OR51B5: variants seen among roughly 807,000 people sequenced by gnomAD.
The protein encoded by OR51B5 is olfactory receptor 51B5.
For missense variants in OR51B5, 456 were observed against 374.6 expected (o/e 1.22, Z -1.79); for synonymous variants, 186 against 144.8 (o/e 1.28, Z -2.04).
chr11:5,484,080 C>G (rs1851466402), intron 1 of OR51B5, among the ~76,000 whole-genome samples: 1 of 152,150 alleles, frequency 6.6e-6, no homozygotes, highest in African/African-American at 2.4e-5. Context: ...CACCTTTACA[C>G]CGAGGTCCAA....
At chr11:5,492,705 C>G (rs1019359075) in intron 1 of OR51B5, among the ~76,000 whole-genome samples, 5 of 152,174 alleles carry the variant, frequency 3.3e-5, no homozygotes, top group Non-Finnish European at 7.4e-5. Context: ...GGCACAATCT[C>G]GACTTACTGC....
intron 1 of OR51B5, chr11:5,455,320 G>A (rs931427107): frequency 6.8e-6 from 1 of 146,622 alleles, no homozygotes; most frequent in East Asian, 2.0e-4. Flanking sequence ...GTTAAGAGAT[G>A]TTAGAAATTA....
At position 5,374,385 on chromosome 11, in the gene OR51B5, AAC is replaced by A. The variant is rs1400190952; in HGVS notation, n.85-27477_85-27476del. On this transcript the variant is annotated intron_variant and non_coding_transcript_variant, in intron 1 of 4. Transcript: ENST00000415970. ...GATACAACCACAAAGTTGGGGAAAAAACAGAGCAGAAAAACTGGAAACTCTAA... is the reference window on the plus strand; with the variant it reads ...GATACAACCACAAAGTTGGGGAAAAAAGAGCAGAAAAACTGGAAACTCTAA... Among the ~76,000 whole-genome samples the A allele has an allele frequency of 5.9e-5, 9 of 152,146 alleles. 1 individual carries two copies. The highest frequency in any genetic ancestry group is 2.2e-4 in the African/African-American group (9 of 41,420).
chr11:5,405,541 T>C (rs374624882), intron 1 of OR51B5, among the ~76,000 whole-genome samples: 69 of 151,612 alleles, frequency 4.6e-4, no homozygotes, highest in African/African-American at 1.3e-3. Context: ...TTTTTTTTTT[T>C]CTACATTCTC....
chr11:5,440,547 G>T (rs768139765), intron 1 of OR51B5: 1 of 1,564,786 alleles, frequency 6.4e-7, no homozygotes, highest in South Asian at 1.1e-5. Flanking sequence ...CTCCAAAGGA[G>T]CTTTTGGGGC....
At chr11:5,485,277 A>C (rs762207384) in intron 1 of OR51B5, among the ~76,000 whole-genome samples, 12 of 152,246 alleles carry the variant, frequency 7.9e-5, no homozygotes, top group Non-Finnish European at 8.8e-5. Flanking sequence ...ACGTTTTCTA[A>C]GTGCATCAAA....
At chr11:5,355,921 C>T (rs537550340) in intron 1 of OR51B5, among the ~76,000 whole-genome samples, 2 of 152,286 alleles carry the variant, frequency 1.3e-5, no homozygotes, top group African/African-American at 4.8e-5. Context: ...GCTGAGGGTC[C>T]TGTTAGAAGG....
intron 1 of OR51B5, among the ~76,000 whole-genome samples, chr11:5,407,327 T>G (rs1188065466): frequency 6.6e-6 from 1 of 152,210 alleles, no homozygotes; most frequent in African/African-American, 2.4e-5. Flanking sequence ...TTTTACTAAG[T>G]CTTTTGCATT....
At chr11:5,440,749 G>A (rs141506097) in intron 1 of OR51B5, 1 of 1,613,956 alleles carries the variant, frequency 6.2e-7, no homozygotes, top group Non-Finnish European at 8.5e-7. Context: ...GCAATTATGG[G>A]CACATAAAAG....
At chr11:5,498,198 TGGA>T (rs1160036285) in intron 1 of OR51B5, among the ~76,000 whole-genome samples, 5 of 152,200 alleles carry the variant, frequency 3.3e-5, no homozygotes, top group African/African-American at 9.6e-5. Context: ...GCCATGGTGC[TGGA>T]GGAGGTCACC....
chr11:5,371,673 G>T, intron 1 of OR51B5, among the ~76,000 whole-genome samples: 1 of 152,066 alleles, frequency 6.6e-6, no homozygotes, highest in East Asian at 1.9e-4. Flanking sequence ...TAGGATATAT[G>T]TGTACATAGT....
chr11:5,404,335 G>C (rs1850025699), intron 1 of OR51B5, among the ~76,000 whole-genome samples: 1 of 152,126 alleles, frequency 6.6e-6, no homozygotes, highest in African/African-American at 2.4e-5. Flanking sequence ...TCTAGCTAAA[G>C]GGTTGTAAAT....
chr11:5,431,262 T>TG (rs1351395649), intron 1 of OR51B5: 3 of 324,276 alleles, frequency 9.3e-6, no homozygotes, highest in Non-Finnish European at 1.2e-5. Context: ...GTAGGACCCC[T>TG]GACTCCATGC....
chr11:5,406,179 A>G (rs1850055605), intron 1 of OR51B5, among the ~76,000 whole-genome samples: 1 of 152,176 alleles, frequency 6.6e-6, no homozygotes, highest in Admixed American at 6.5e-5. Flanking sequence ...CTTCTTAAAT[A>G]TTATTGCTAT....
At chr11:5,439,736 G>A (rs912545526) in intron 1 of OR51B5, among the ~76,000 whole-genome samples, 2 of 152,056 alleles carry the variant, frequency 1.3e-5, no homozygotes, top group African/African-American at 4.8e-5. Context: ...CATGAGTTTT[G>A]TTACTCTTGT....
intron 1 of OR51B5, among the ~76,000 whole-genome samples, chr11:5,412,500 C>A (rs143387443): frequency 6.6e-6 from 1 of 152,132 alleles, no homozygotes; most frequent in Non-Finnish European, 1.5e-5. Context: ...TTGCCTCACT[C>A]GGGAAGCGCA....
intron 1 of OR51B5, among the ~76,000 whole-genome samples, chr11:5,426,710 T>C (rs1850455418): frequency 6.6e-6 from 1 of 152,156 alleles, no homozygotes; most frequent in South Asian, 2.1e-4. Flanking sequence ...AAAGTCCTTA[T>C]AAATAAGCCT....
chr11:5,346,339 C>G (rs10837868), upstream of OR51B5: 1 of 151,714 alleles, frequency 6.6e-6, no homozygotes, highest in Non-Finnish European at 1.5e-5. Flanking sequence ...CTCAGCTAGT[C>G]GTGGCTCTTG....
intron 1 of OR51B5, among the ~76,000 whole-genome samples, chr11:5,413,761 C>G (rs1422034173): frequency 2.6e-5 from 4 of 151,944 alleles, no homozygotes; most frequent in Admixed American, 6.6e-5. Context: ...CGAGCAAAGC[C>G]TCCAAGAAAT....
Sources: gnomAD v4.1 joint callset for allele counts (sites outside exome capture counted in the v4.1 genomes callset) on GRCh38, gnomAD v4.1.1 for gene constraint, MANE v1.5 for transcripts, NCBI Gene and HGNC (gene_info 2026-07-23, HGNC 2026-07-21) for gene names.